DNAH5: variants seen among roughly 807,000 people sequenced by gnomAD.
DNAH5 encodes the protein dynein axonemal heavy chain 5.
A neutral mutation model predicts 518.2 loss-of-function variants in DNAH5; 372 were observed. That is an observed-to-expected ratio of 0.72 (90% CI 0.66 to 0.78). DNAH5 has a LOEUF of 0.78. DNAH5 is among the 30% of genes least tolerant of loss of function. The probability of loss-of-function intolerance (pLI) is 0.00; values close to 1 mark genes in which losing one functional copy is unlikely to be tolerated. For synonymous variants in DNAH5, 2,039 were observed against 2,025.9 expected (o/e 1.01, Z -0.17); for missense variants, 5,523 against 5,687.0 (o/e 0.97, Z 0.93).
At chr5:14,007,289 G>T (rs1784786849) in intron 1 of DNAH5, among the ~76,000 whole-genome samples, 1 of 152,172 alleles carries the variant, frequency 6.6e-6, no homozygotes, top group African/African-American at 2.4e-5. Flanking sequence ...TAGCCAACAG[G>T]CTAAACAGTG....
intron 55 of DNAH5, among the ~76,000 whole-genome samples, chr5:13,775,126 CCTTTTTG>C (rs1223227612): frequency 9.1e-5 from 9 of 99,302 alleles, no homozygotes; most frequent in Middle Eastern, 0.013. Context: ...GAGCTACACT[CCTTTTTG>C]TTTTTTTTTT....
chr5:13,905,266 C>T (rs1385592388), intron 12 of DNAH5, among the ~76,000 whole-genome samples: 1 of 152,166 alleles, frequency 6.6e-6, no homozygotes, highest in Non-Finnish European at 1.5e-5. Flanking sequence ...TAAGAGGTGG[C>T]ACCACTAAGA....
At position 13,780,825 on chromosome 5, in the gene DNAH5, T is replaced by C. The variant is rs1385368190; in HGVS notation, c.8951+4A>G. 1 of 1,613,498 alleles carries C rather than the reference T, an allele frequency of 6.2e-7. No individual in the cohort carries two copies. The highest frequency in any genetic ancestry group is 8.5e-7 in the Non-Finnish European group (1 of 1,179,600). On this transcript the variant is annotated splice_donor_region_variant and intron_variant, in intron 53 of 78. Coordinates refer to ENST00000265104, the MANE Select transcript of DNAH5 (RefSeq NM_001369.3). ...TTAGGTTTGTTAAAGTAAAAGGTTG[T>C]CACCTCGTCAGAGTGATCTGGAAGG...
chr5:13,930,865 A>G (rs1231544508), intron 2 of DNAH5, among the ~76,000 whole-genome samples: 2 of 152,232 alleles, frequency 1.3e-5, no homozygotes, highest in Non-Finnish European at 2.9e-5. Flanking sequence ...ATGTAGAGAG[A>G]TGCAGACAAT....
rs565857387 is a variant in DNAH5, at chr5:13,824,137, G to A, written c.6579+62C>T. ...TTAAATAAATATTTTGAAGTCTCAT[G>A]TATGGGCAGTTAGTTTAACTGATAT... On this transcript the variant is annotated intron_variant, in intron 39 of 78. Transcript: ENST00000265104. 3.4e-5 allele frequency: 51 copies of A among 1,506,220 alleles called. No individual in the cohort carries two copies. The African/African-American group carries it at 5.8e-4, about 17-fold the overall frequency. The allele number at this position is 1,506,220 out of a possible 1,614,324, so 93.3% of individuals were successfully genotyped here.
chr5:13,742,770 T>C (rs1748772744), intron 65 of DNAH5, among the ~76,000 whole-genome samples: 1 of 152,056 alleles, frequency 6.6e-6, no homozygotes, highest in African/African-American at 2.4e-5. Flanking sequence ...TTCCCCAAAG[T>C]TTGAAACGGA....
chr5:13,948,984 A>G (rs760494433), upstream of DNAH5, among the ~76,000 whole-genome samples: 20 of 152,190 alleles, frequency 1.3e-4, no homozygotes, highest in Admixed American at 7.9e-4. Flanking sequence ...ATCCTGGTTG[A>G]GGAAGGAATG....
chr5:13,798,021 A>C (rs1758091992), intron 47 of DNAH5, among the ~76,000 whole-genome samples: 1 of 116,802 alleles, frequency 8.6e-6, no homozygotes, highest in African/African-American at 3.4e-5. Context: ...ACTTGCACAC[A>C]GGGCGAGGAA....
chr5:13,844,786 T>C, intron 32 of DNAH5, 51 bp downstream of exon 32: 1 of 1,610,056 alleles, frequency 6.2e-7, no homozygotes, highest in East Asian at 2.2e-5. Context: ...TAAAGACAGT[T>C]GAGGTTCGAA....
At chr5:13,814,874 A>T in intron 42 of DNAH5, 28 bp from the exon 43 acceptor site, 2 of 1,611,148 alleles carry the variant, frequency 1.2e-6, no homozygotes, top group Non-Finnish European at 1.7e-6. Context: ...AGGGAAAAAA[A>T]AAATACATAC....
chr5:13,803,272 T>C (rs1024567851), intron 47 of DNAH5, among the ~76,000 whole-genome samples: 8 of 152,222 alleles, frequency 5.3e-5, no homozygotes, highest in African/African-American at 1.7e-4. Flanking sequence ...TAATAACATC[T>C]TCCCATTTTA....
At chr5:13,810,900 T>C (rs1274855003) in intron 44 of DNAH5, among the ~76,000 whole-genome samples, 1 of 151,994 alleles carries the variant, frequency 6.6e-6, no homozygotes, top group Non-Finnish European at 1.5e-5. Flanking sequence ...TATTCAGCCA[T>C]AAAAAAGAAT....
chr5:13,911,732 G>GA (rs1034533846), intron 11 of DNAH5, among the ~76,000 whole-genome samples: 3 of 151,894 alleles, frequency 2.0e-5, no homozygotes, highest in African/African-American at 4.8e-5. Flanking sequence ...ATGTATTTTT[G>GA]AAAAAATGAA....
At chr5:13,776,798 T>C in intron 54 of DNAH5, 92 bp from the exon 55 acceptor site, 1 of 1,443,314 alleles carries the variant, frequency 6.9e-7, no homozygotes. Context: ...CTTTTCTCCA[T>C]TTGTGTTCTT....
intron 65 of DNAH5, among the ~76,000 whole-genome samples, chr5:13,737,981 T>C (rs1045259516): frequency 7.9e-5 from 12 of 151,742 alleles, no homozygotes; most frequent in Non-Finnish European, 1.2e-4. Flanking sequence ...GAGAATCCCT[T>C]GAGCCAGGGA....
intron 1 of DNAH5, among the ~76,000 whole-genome samples, chr5:13,965,005 G>C (rs1781437390): frequency 6.6e-6 from 1 of 152,028 alleles, no homozygotes; most frequent in Admixed American, 6.5e-5. Flanking sequence ...TCGTCCACTG[G>C]GGAAGCTCCT....
chr5:13,962,482 C>T (rs543474661), intron 1 of DNAH5, among the ~76,000 whole-genome samples: 2 of 152,138 alleles, frequency 1.3e-5, no homozygotes, highest in East Asian at 3.9e-4. Context: ...TCTCATAAAA[C>T]CCAGATGTTA....
rs544891254 is a variant in DNAH5 at position 13,715,033 on chromosome 5, C to T, written c.12910-413G>A. On this transcript the variant is annotated intron_variant, in intron 74 of 78. Transcript: ENST00000265104. ...ACCAGGAAATGACAGCTTTAGTAAT[C>T]GTGGTCCAAATAAAGGCAGCACGTG... Among the ~76,000 whole-genome samples the T allele has an allele frequency of 2.2e-4, 34 of 152,112 alleles. No homozygotes were observed. In the East Asian group the frequency reaches 2.7e-3, roughly 12 times the overall value.
rs4701997 is a variant in DNAH5 at position 13,894,785 on chromosome 5, T to A, written c.2296A>T (p.Ile766Leu). Residue 766 changes from isoleucine (I) to leucine (L), a missense_variant, in exon 16 of 79, where the codon ATA becomes TTA. Around this residue, in one of 3 missense-constraint regions of DNAH5, gnomAD observed 5,121 missense variants for 5,223.3 expected, o/e 0.98. Transcript: ENST00000265104. ...LAEYQRVKSK[I>L]PAAIEQLIVP... is the part of the protein sequence containing the mutation. ...ATCAATTGCTCAATGGCAGCAGGTA[T>A]TTTTGACTTCACTCTCTGATATTCA... The A allele has an allele frequency of 0.51, 819,862 of 1,613,488 alleles. 211,044 individuals are homozygous for A. Among genetic ancestry groups the A allele is most frequent in the South Asian group, 0.62 (56,867 of 91,068 alleles).
Sources: allele counts gnomAD v4.1 joint callset (sites outside exome capture counted in the v4.1 genomes callset), GRCh38; gene constraint gnomAD v4.1.1; regional missense constraint gnomAD v4.1.1; transcripts MANE v1.5; gene names NCBI Gene and HGNC (gene_info 2026-07-23, HGNC 2026-07-21).